Variants in PACRGL observed in about 807,000 individuals in gnomAD.
PACRGL encodes the protein PACRG-like protein.
A neutral mutation model predicts 34.5 loss-of-function variants in PACRGL; 38 were observed. The observed-to-expected ratio is 1.10, with a 90% CI of 0.85 to 1.44. The LOEUF (loss-of-function observed/expected upper bound fraction) is 1.44, where lower values mean the gene tolerates loss of function less well. Ranked by LOEUF, PACRGL falls within the 40% of genes most tolerant of loss-of-function variation. The pLI, the probability that PACRGL is intolerant of heterozygous loss-of-function variation, is 0.00. For synonymous variants in PACRGL, 128 were observed against 100.1 expected, an observed-to-expected ratio of 1.28 and a Z score of -1.66; for missense variants, 305 against 281.4, an observed-to-expected ratio of 1.08 and a Z score of -0.60.
rs56259252 is a variant in PACRGL at position 20,721,117 on chromosome 4, C to T, written c.610-3691C>T. On this transcript the variant is annotated intron_variant, in intron 7 of 8. Transcript: ENST00000503585. Reference sequence around the variant, plus strand: ...TACCCTTTCTTCCACTCGATTGAGTCGGCTACTGAAGCTTGTGCATTCGTC... The same window carrying T: ...TACCCTTTCTTCCACTCGATTGAGTTGGCTACTGAAGCTTGTGCATTCGTC... Among the ~76,000 whole-genome samples the T allele has an allele frequency of 5.0e-3, 765 of 152,272 alleles. 9 individuals carry two copies. The highest frequency in any genetic ancestry group is 0.017 in the African/African-American group (707 of 41,532).
At chr4:20,722,337 C>T (rs1435641973) in intron 7 of PACRGL, among the ~76,000 whole-genome samples, 1 of 152,224 alleles carries the variant, frequency 6.6e-6, no homozygotes, top group Non-Finnish European at 1.5e-5. Flanking sequence ...CTGTCCTGCA[C>T]CCACTGTCCA....
At position 20,703,459 on chromosome 4, in the gene PACRGL, T is replaced by TA. The variant is rs533210662; in HGVS notation, c.-16-1006dup. 1.6e-4 allele frequency among the ~76,000 whole-genome samples: 24 copies of TA among 149,996 alleles called. No homozygotes were observed. In the East Asian group the frequency reaches 4.4e-3, roughly 27 times the overall value. On this transcript the variant is annotated intron_variant, in intron 1 of 8. Transcript: ENST00000503585. ...ATGAAGCTTGGCCTAAAAATACCAGTAGGCACTTGGGTATATGAGTGTGTG... is the reference window on the plus strand; with the variant it reads ...ATGAAGCTTGGCCTAAAAATACCAGTAAGGCACTTGGGTATATGAGTGTGTG...
chr4:20,719,819 G>A (rs1444400158), intron 7 of PACRGL, among the ~76,000 whole-genome samples: 2 of 151,964 alleles, frequency 1.3e-5, no homozygotes, highest in African/African-American at 4.8e-5. Flanking sequence ...GATTTGGGGT[G>A]GAGAGTTCTG....
rs1748348009 is a variant in PACRGL at position 20,731,900 on chromosome 4, G to A, written c.*4559G>A. On this transcript the variant is annotated 3_prime_UTR_variant, in exon 9 of 9. Coordinates refer to ENST00000503585, the MANE Select transcript of PACRGL (RefSeq NM_001258345.3). ...GCATGTTGTAGAAGTGGTAAACTTA[G>A]GCATATGATCTCTATATTTCGCCCA... 1 of 1,505,544 alleles carries A rather than the reference G, an allele frequency of 6.6e-7. No individual in the cohort carries two copies. Among genetic ancestry groups the A allele is most frequent in the African/African-American group, 1.4e-5 (1 of 71,822 alleles). The allele number at this position is 1,505,544 out of a possible 1,614,324, so 93.3% of individuals were successfully genotyped here.
intron 8 of PACRGL, among the ~76,000 whole-genome samples, chr4:20,746,060 A>G (rs993109820): frequency 6.6e-6 from 1 of 152,194 alleles, no homozygotes; most frequent in African/African-American, 2.4e-5. Context: ...TCATTCTACT[A>G]TAAAGACACA....
chr4:20,709,394 A>G (rs1412796020), intron 4 of PACRGL, among the ~76,000 whole-genome samples: 1 of 152,206 alleles, frequency 6.6e-6, no homozygotes, highest in Non-Finnish European at 1.5e-5. Flanking sequence ...ATTGTGTCAT[A>G]TCACTGAAAG....
chr4:20,731,716 G>A lies in PACRGL; in HGVS notation c.*4375G>A, dbSNP rs1455636572. 1 of 985,116 alleles carries A rather than the reference G, an allele frequency of 1.0e-6. No individual in the cohort carries two copies. The highest frequency in any genetic ancestry group is 1.7e-5 in the African/African-American group (1 of 57,210). 61.0% of individuals were successfully genotyped at this position (985,116 alleles called of 1,614,324 possible). ...AAAGAGCAATTCAAATCTCATGTATGTTTTATCCTCCATGAATACTCTCTA... is the reference window on the plus strand; with the variant it reads ...AAAGAGCAATTCAAATCTCATGTATATTTTATCCTCCATGAATACTCTCTA... On this transcript the variant is annotated 3_prime_UTR_variant, in exon 9 of 9. Transcript: ENST00000503585.
Position 20,717,382 on chromosome 4 carries a change from T to A in PACRGL, c.609+3843T>A, listed in dbSNP as rs527897110. ...TTTGGCTTTTGTTGCCATTGCTTTTTGTGTTTTAGACATGAAGTCCTTGCC... is the reference window on the plus strand; with the variant it reads ...TTTGGCTTTTGTTGCCATTGCTTTTAGTGTTTTAGACATGAAGTCCTTGCC... On this transcript the variant is annotated intron_variant, in intron 7 of 8. Transcript: ENST00000503585. Among the ~76,000 whole-genome samples, 8 of 152,306 alleles carry A rather than the reference T, an allele frequency of 5.3e-5. No homozygotes were observed. In the South Asian group the frequency reaches 1.7e-3, roughly 32 times the overall value.
rs760863729 is a variant in PACRGL at position 20,704,793 on chromosome 4, G to A, written c.186G>A (p.Leu62=). The change falls in exon 3 of 9, where the codon CTG becomes CTA. Residue 62 remains leucine (L), a synonymous_variant. Transcript: ENST00000503585. The stretch of plus-strand genomic sequence containing the variant: ...TTCATCCTAGACCAAGTGATAAACT[G>A]AACCCTAAAACAATTAATCCGGTAG... ...RKLHPRPSDK[L]NPKTINPFGE... 2 of 1,614,052 alleles carry A rather than the reference G, an allele frequency of 1.2e-6. No homozygotes were observed. Among genetic ancestry groups the A allele is most frequent in the Non-Finnish European group, 1.7e-6 (2 of 1,179,966 alleles).
intron 7 of PACRGL, among the ~76,000 whole-genome samples, chr4:20,720,956 G>A (rs1210584602): frequency 6.6e-6 from 1 of 152,108 alleles, no homozygotes; most frequent in Non-Finnish European, 1.5e-5. Context: ...TCACTTTCAG[G>A]TACACCAATC....
chr4:20,700,493 G>A lies in PACRGL; in HGVS notation c.-311G>A, dbSNP rs1241520190. On this transcript the variant is annotated 5_prime_UTR_variant, in exon 1 of 9. Coordinates refer to ENST00000503585, the MANE Select transcript of PACRGL (RefSeq NM_001258345.3). The stretch of plus-strand genomic sequence containing the variant: ...ACGCAGGCGCTCGGTGGCGGTAGCC[G>A]CGGTTGTTGGCCGACCGAGTGCCGG... The A allele has an allele frequency of 1.3e-5, 2 of 152,172 alleles. No homozygotes were observed. The highest frequency in any genetic ancestry group is 6.5e-5 in the Admixed American group (1 of 15,278). 9.4% of individuals were successfully genotyped at this position (152,172 alleles called of 1,614,324 possible). A position where few individuals can be genotyped will look rare whatever the true frequency, so the allele number is the denominator to read the frequency against.
chr4:20,749,240 G>A (rs1048282569), intron 8 of PACRGL, among the ~76,000 whole-genome samples: 7 of 151,842 alleles, frequency 4.6e-5, no homozygotes, highest in Admixed American at 1.3e-4. Context: ...TTGTCAGGCT[G>A]GTGAATGTAG....
At chr4:20,698,163 A>G (rs181542567), upstream of PACRGL, among the ~76,000 whole-genome samples, 94 of 152,266 alleles carry the variant, frequency 6.2e-4, no homozygotes, top group South Asian at 1.0e-3. Context: ...CCTGGGTGAT[A>G]TAGTTTATGC....
chr4:20,761,703 A>G, the PACRGL span, among the ~76,000 whole-genome samples: 7 of 152,290 alleles, frequency 4.6e-5, no homozygotes, highest in Admixed American at 4.6e-4. Context: ...TTCAGTCTCT[A>G]GATATATTTG....
At chr4:20,715,974 A>C (rs999121572) in intron 7 of PACRGL, 3 of 765,360 alleles carry the variant, frequency 3.9e-6, no homozygotes, top group Non-Finnish European at 6.1e-6. Flanking sequence ...GTCTTGTGTA[A>C]TTATATGTTA....
the PACRGL span, among the ~76,000 whole-genome samples, chr4:20,760,597 T>C: frequency 1.3e-5 from 2 of 152,304 alleles, no homozygotes; most frequent in African/African-American, 2.4e-5. Context: ...CTTCTCGATA[T>C]GGTTTTATCC....
intron 5 of PACRGL, among the ~76,000 whole-genome samples, chr4:20,710,473 G>C (rs1040506315): frequency 1.3e-5 from 2 of 152,062 alleles, no homozygotes; most frequent in African/African-American, 2.4e-5. Context: ...GTTAAGGATC[G>C]TTTTGTTGTC....
intron 7 of PACRGL, among the ~76,000 whole-genome samples, chr4:20,721,693 C>T (rs1486318010): frequency 6.6e-6 from 1 of 152,192 alleles, no homozygotes; most frequent in Non-Finnish European, 1.5e-5. Flanking sequence ...GAAGTTTCGT[C>T]TCAGAGGGGT....
downstream of PACRGL, among the ~76,000 whole-genome samples, chr4:20,755,318 G>C (rs1194652451): frequency 6.6e-6 from 1 of 152,046 alleles, no homozygotes; most frequent in African/African-American, 2.4e-5. Flanking sequence ...AAACCAAATG[G>C]ATTAAAACCC....
Sources: gnomAD v4.1 joint callset for allele counts (sites outside exome capture counted in the v4.1 genomes callset) on GRCh38, gnomAD v4.1.1 for gene constraint, MANE v1.5 for transcripts, NCBI Gene and HGNC (gene_info 2026-07-23, HGNC 2026-07-21) for gene names.